Variants in SMYD3 observed in about 807,000 individuals in gnomAD.
The protein encoded by SMYD3 is SET and MYND domain containing 3.
Under a neutral mutation model 57.7 loss-of-function variants are expected in SMYD3, and 36 were observed. The ratio of observed to expected loss-of-function variants is 0.62; its 90% CI spans 0.48 to 0.82. The LOEUF (loss-of-function observed/expected upper bound fraction) is 0.82. Among genes scored for constraint, SMYD3 ranks in the 40% least tolerant of loss-of-function variants. The pLI is 0.00. For missense variants in SMYD3, 515 were observed against 538.8 expected (o/e 0.96, Z 0.44); for synonymous variants, 211 against 195.0 (o/e 1.08, Z -0.68).
chr1:246,179,447 A>G (rs1488014111), intron 5 of SMYD3, among the ~76,000 whole-genome samples: 1 of 152,166 alleles, frequency 6.6e-6, no homozygotes, highest in Admixed American at 6.5e-5. Flanking sequence ...CCACCACTGA[A>G]TTCTATTTTC....
chr1:246,348,071 T>TAC (rs144305483), intron 2 of SMYD3, among the ~76,000 whole-genome samples: 2 of 120,816 alleles, frequency 1.7e-5, no homozygotes, highest in Admixed American at 9.1e-5. Flanking sequence ...TATATATATA[T>TAC]ATATATACAC....
At chr1:246,067,555 A>G (rs978666588) in intron 5 of SMYD3, among the ~76,000 whole-genome samples, 2 of 152,302 alleles carry the variant, frequency 1.3e-5, no homozygotes, top group Admixed American at 6.5e-5. Flanking sequence ...GTTGCTGTGC[A>G]GACTTGTGCC....
At chr1:246,183,046 TTCTAAG>T (rs1328054392) in intron 5 of SMYD3, among the ~76,000 whole-genome samples, 4 of 152,188 alleles carry the variant, frequency 2.6e-5, no homozygotes, top group Admixed American at 6.5e-5. Flanking sequence ...TAACTTTATC[TTCTAAG>T]TCTATTTTTG....
At chr1:245,892,995 T>G (rs528637673) in intron 8 of SMYD3, among the ~76,000 whole-genome samples, 17 of 152,298 alleles carry the variant, frequency 1.1e-4, no homozygotes, top group Middle Eastern at 3.4e-3. Flanking sequence ...AAAAGACCTG[T>G]GTACAGGATA....
At chr1:246,406,027 G>C (rs56370350) in intron 1 of SMYD3, among the ~76,000 whole-genome samples, 1 of 152,022 alleles carries the variant, frequency 6.6e-6, no homozygotes, top group African/African-American at 2.4e-5. Context: ...TTCTCCTGTA[G>C]GTTAAATCGC....
chr1:245,805,932 T>C (rs1000233574), intron 10 of SMYD3, among the ~76,000 whole-genome samples: 2 of 152,346 alleles, frequency 1.3e-5, no homozygotes, highest in Non-Finnish European at 1.5e-5. Flanking sequence ...ATATGCAGCA[T>C]ATGACTTGAG....
At chr1:246,144,260 C>A (rs553213016) in intron 5 of SMYD3, among the ~76,000 whole-genome samples, 1 of 152,326 alleles carries the variant, frequency 6.6e-6, no homozygotes, top group South Asian at 2.1e-4. Context: ...CAAACACTGA[C>A]GTGGAACCAG....
chr1:246,178,185 T>C (rs576979026), intron 5 of SMYD3, among the ~76,000 whole-genome samples: 6 of 152,292 alleles, frequency 3.9e-5, no homozygotes, highest in African/African-American at 1.2e-4. Context: ...AAATCTGGGA[T>C]GGATGTTCAA....
chr1:245,834,113 G>T (rs921993470), intron 10 of SMYD3, among the ~76,000 whole-genome samples: 1 of 152,130 alleles, frequency 6.6e-6, no homozygotes, highest in Non-Finnish European at 1.5e-5. Context: ...ATGAATAGAG[G>T]GGAAGGAACA....
At chr1:246,349,144 A>G (rs1468678168) in intron 2 of SMYD3, among the ~76,000 whole-genome samples, 1 of 152,240 alleles carries the variant, frequency 6.6e-6, no homozygotes, top group Non-Finnish European at 1.5e-5. Context: ...AGATCTACAT[A>G]AAGAAAGAAT....
At chr1:246,286,066 T>C (rs574440207) in intron 5 of SMYD3, among the ~76,000 whole-genome samples, 3 of 152,176 alleles carry the variant, frequency 2.0e-5, no homozygotes, top group Admixed American at 2.0e-4. Flanking sequence ...ACAACCACTA[T>C]GGAAAACAGT....
At chr1:246,357,759 G>T (rs2065929466) in intron 1 of SMYD3, among the ~76,000 whole-genome samples, 1 of 152,162 alleles carries the variant, frequency 6.6e-6, no homozygotes, top group Non-Finnish European at 1.5e-5. Context: ...TAAGACAAAT[G>T]CTGAGAGAAT....
chr1:245,906,347 G>A (rs1225271722), intron 8 of SMYD3, among the ~76,000 whole-genome samples: 1 of 152,148 alleles, frequency 6.6e-6, no homozygotes, highest in Non-Finnish European at 1.5e-5. Flanking sequence ...GATTTGAATA[G>A]ACATTGCTCA....
At chr1:246,165,970 A>G (rs74387274) in intron 5 of SMYD3, among the ~76,000 whole-genome samples, 4,047 of 152,168 alleles carry the variant, frequency 0.027, 236 homozygotes, top group East Asian at 0.25. Flanking sequence ...ATGGATCTAC[A>G]TGTGCACATC....
At chr1:245,971,068 C>T (rs1160514825) in intron 5 of SMYD3, among the ~76,000 whole-genome samples, 14 of 152,180 alleles carry the variant, frequency 9.2e-5, no homozygotes, top group Non-Finnish European at 1.9e-4. Context: ...TAGTGATAGA[C>T]TAGATACAGA....
At chr1:245,906,835 T>C (rs9727202) in intron 8 of SMYD3, among the ~76,000 whole-genome samples, 124,208 of 152,248 alleles carry the variant, frequency 0.82, 53,422 homozygotes, top group Non-Finnish European at 0.95. Context: ...TCCAGTCATT[T>C]GTAACAACAT....
chr1:246,303,908 T>C (rs1366561505), intron 5 of SMYD3, among the ~76,000 whole-genome samples: 5 of 152,204 alleles, frequency 3.3e-5, no homozygotes, highest in East Asian at 3.8e-4. Flanking sequence ...GACTAAAAAA[T>C]ACTTTCTACA....
At chr1:246,244,357 G>C (rs1272140199) in intron 5 of SMYD3, among the ~76,000 whole-genome samples, 3 of 151,936 alleles carry the variant, frequency 2.0e-5, no homozygotes, top group Non-Finnish European at 4.4e-5. Flanking sequence ...CAATTCACTA[G>C]AGAGAAGGAT....
At chr1:245,877,038 A>C (rs1018729173) in intron 8 of SMYD3, among the ~76,000 whole-genome samples, 6 of 152,176 alleles carry the variant, frequency 3.9e-5, no homozygotes, top group Admixed American at 2.0e-4. Flanking sequence ...GCATTAGACA[A>C]GGAGAGACAA....
Sources: allele counts gnomAD v4.1 joint callset (sites outside exome capture counted in the v4.1 genomes callset), GRCh38; gene constraint gnomAD v4.1.1; transcripts MANE v1.5; gene names NCBI Gene and HGNC (gene_info 2026-07-23, HGNC 2026-07-21).